The following BTAF1 variants were observed in gnomAD, a reference collection of about 807,000 sequenced individuals.
The protein encoded by BTAF1 is TATA-binding protein-associated factor 172.
In BTAF1, 38 loss-of-function variants were observed where a neutral mutation model predicts 227.1. The observed-to-expected ratio is 0.17, with a 90% CI of 0.13 to 0.22. The LOEUF is 0.22. Ranked by LOEUF, BTAF1 falls within the 10% of genes least tolerant of loss-of-function variation. The probability of loss-of-function intolerance (pLI) is 1.00; values close to 1 mark genes in which losing one functional copy is unlikely to be tolerated. For synonymous variants in BTAF1, 742 were observed against 751.9 expected (o/e 0.99, Z 0.21); for missense variants, 1,598 against 2,204.0 (o/e 0.73, Z 5.51).
intron 34 of BTAF1, among the ~76,000 whole-genome samples, chr10:92,019,262 GC>G (rs1305783028): frequency 6.6e-6 from 1 of 152,074 alleles, no homozygotes; most frequent in African/African-American, 2.4e-5. Flanking sequence ...CCTTGTTCTA[GC>G]CCCTGGTAAT....
rs535223755 is a variant in BTAF1, at chr10:91,935,604, G to C, written c.15-53G>C. On this transcript the variant is annotated intron_variant, in intron 1 of 37. Transcript: ENST00000265990. ...TCAGTACGTTTATTGACTTAAACTTGTACATACGAGGAAAAGCATTTGAGA... is the reference window on the plus strand; with the variant it reads ...TCAGTACGTTTATTGACTTAAACTTCTACATACGAGGAAAAGCATTTGAGA... 611 of 1,594,754 alleles carry C rather than the reference G, an allele frequency of 3.8e-4. 1 individual carries two copies. Among genetic ancestry groups the C allele is most frequent in the Admixed American group, 6.6e-4 (39 of 59,044 alleles).
intron 35 of BTAF1, 96 bp downstream of exon 35, chr10:92,025,063 A>C: frequency 9.3e-7 from 1 of 1,076,808 alleles, no homozygotes; most frequent in Non-Finnish European, 1.3e-6. Context: ...AAATATCTGC[A>C]AATGCATTTT....
At chr10:91,993,559 G>T in intron 21 of BTAF1, 135 bp from the exon 22 acceptor site, 1 of 674,618 alleles carries the variant, frequency 1.5e-6, no homozygotes, top group South Asian at 4.8e-5. Context: ...AGACAAACAT[G>T]TCTAATAATT....
chr10:91,997,123 G>A, intron 24 of BTAF1: 1 of 1,285,160 alleles, frequency 7.8e-7, no homozygotes, highest in South Asian at 1.2e-5. Flanking sequence ...CAAATCAGTA[G>A]AAACTCTGGT....
rs1030696901 is a variant in BTAF1 at position 91,997,662 on chromosome 10, G to A, written c.3571G>A (p.Val1191Ile). ...VPYIVLLVVP[V>I]LGRMSDQTDS... ...ATATATTGTCCTTTTAGTTGTTCCT[G>A]TATTAGGAAGAATGAGTGATCAGAC... The change falls in exon 25 of 38, where the codon GTA (valine) becomes ATA (isoleucine). Residue 1191 changes from valine (V) to isoleucine (I), a missense_variant. Transcript: ENST00000265990. The A allele has an allele frequency of 6.2e-7, 1 of 1,613,704 alleles. No homozygotes were observed. Among genetic ancestry groups the A allele is most frequent in the African/African-American group, 1.3e-5 (1 of 74,932 alleles).
At position 91,992,064 on chromosome 10, in the gene BTAF1, C is replaced by T. The variant is rs1443481165; in HGVS notation, c.2855-55C>T. 5 of 1,411,306 alleles carry T rather than the reference C, an allele frequency of 3.5e-6. No individual in the cohort carries two copies. In the East Asian group the frequency reaches 1.2e-4, roughly 33 times the overall value. The allele number at this position is 1,411,306 out of a possible 1,614,324, so 87.4% of individuals were successfully genotyped here. ...GTTTTATCTCTTATGGAGCTGAAAA[C>T]ATTTGGTATCACCAATATTATGATT... On this transcript the variant is annotated intron_variant, in intron 20 of 37. Transcript: ENST00000265990.
chr10:91,969,010 A>G (rs927026530), intron 14 of BTAF1, among the ~76,000 whole-genome samples: 2 of 148,706 alleles, frequency 1.3e-5, no homozygotes, highest in East Asian at 2.0e-4. Flanking sequence ...ACAAGCACGC[A>G]CCACCATGTC....
At chr10:91,998,459 A>G (rs935122905) in intron 25 of BTAF1, among the ~76,000 whole-genome samples, 2 of 152,190 alleles carry the variant, frequency 1.3e-5, no homozygotes, top group Non-Finnish European at 2.9e-5. Flanking sequence ...TAAAAAGCAA[A>G]TGAGGTCTCT....
chr10:91,984,984 G>GT (rs1440055270), intron 19 of BTAF1, among the ~76,000 whole-genome samples: 1 of 151,234 alleles, frequency 6.6e-6, no homozygotes, highest in African/African-American at 2.4e-5. Flanking sequence ...TTCAGTATTT[G>GT]TTTATTTTTT....
chr10:91,947,579 G>A (rs1453568994), intron 4 of BTAF1, among the ~76,000 whole-genome samples: 3 of 151,852 alleles, frequency 2.0e-5, no homozygotes, highest in Admixed American at 6.6e-5. Context: ...ATTCTTACGC[G>A]AGTACCACAT....
intron 25 of BTAF1, among the ~76,000 whole-genome samples, chr10:92,002,394 T>C (rs1344462528): frequency 6.6e-6 from 1 of 152,204 alleles, no homozygotes; most frequent in Non-Finnish European, 1.5e-5. Flanking sequence ...CTGATTTTTA[T>C]GGACATTGGA....
At chr10:92,012,156 T>TCCTCC (rs1338153963) in intron 30 of BTAF1, among the ~76,000 whole-genome samples, 1 of 4,836 alleles carries the variant, frequency 2.1e-4, no homozygotes, top group African/African-American at 1.4e-3. Context: ...TCCCCTGCTC[T>TCCTCC]CCTCCCCTCT....
chr10:91,934,522 C>T (rs920524169), intron 1 of BTAF1, among the ~76,000 whole-genome samples: 19 of 152,138 alleles, frequency 1.2e-4, no homozygotes, highest in African/African-American at 4.3e-4. Flanking sequence ...CAGACATGAC[C>T]ACGCCCAGCT....
chr10:92,001,981 TATATACACAC>T (rs1323091173), intron 25 of BTAF1, among the ~76,000 whole-genome samples: 4 of 92,876 alleles, frequency 4.3e-5, no homozygotes, highest in East Asian at 6.9e-4. Flanking sequence ...TATATATATA[TATATACACAC>T]ACACACACAC....
At chr10:91,930,243 A>G (rs1387907839) in intron 1 of BTAF1, among the ~76,000 whole-genome samples, 1 of 152,202 alleles carries the variant, frequency 6.6e-6, no homozygotes. Context: ...TGTCATTAAG[A>G]TAAAGTCATG....
At position 91,995,607 on chromosome 10, in the gene BTAF1, C is replaced by T. The variant is rs1232823105; in HGVS notation, c.3310-762C>T. On this transcript the variant is annotated intron_variant, in intron 23 of 37. Coordinates refer to ENST00000265990, the MANE Select transcript of BTAF1 (RefSeq NM_003972.3). Reference sequence around the variant, plus strand: ...AGGAGAATCACTGGAACCCGGGAGGCAGAGGTTGCAGTGAGCCAAGATCGC... The same window carrying T: ...AGGAGAATCACTGGAACCCGGGAGGTAGAGGTTGCAGTGAGCCAAGATCGC... Among the ~76,000 whole-genome samples the T allele has an allele frequency of 2.0e-5, 3 of 151,052 alleles. No individual in the cohort carries two copies. In the East Asian group the frequency reaches 5.8e-4, roughly 29 times the overall value.
At chr10:92,024,700 T>G in intron 34 of BTAF1, 56 bp from the exon 35 acceptor site, 1 of 1,387,286 alleles carries the variant, frequency 7.2e-7, no homozygotes, top group Non-Finnish European at 9.9e-7. Flanking sequence ...CACAGTGAGA[T>G]TAGTTTTCTG....
At chr10:91,978,630 A>G (rs931521893) in intron 14 of BTAF1, among the ~76,000 whole-genome samples, 3 of 152,050 alleles carry the variant, frequency 2.0e-5, no homozygotes, top group African/African-American at 7.2e-5. Flanking sequence ...TTTCTCTTAA[A>G]AACACTGTAT....
chr10:91,932,556 T>C (rs1844339700), intron 1 of BTAF1, among the ~76,000 whole-genome samples: 1 of 152,178 alleles, frequency 6.6e-6, no homozygotes, highest in African/African-American at 2.4e-5. Flanking sequence ...CAAAGTGTTG[T>C]GCGAGACAAA....
Sources: gnomAD v4.1 joint callset for allele counts (sites outside exome capture counted in the v4.1 genomes callset) on GRCh38, gnomAD v4.1.1 for gene constraint, MANE v1.5 for transcripts, NCBI Gene and HGNC (gene_info 2026-07-23, HGNC 2026-07-21) for gene names.